Variants in AFAP1L1 observed in about 807,000 individuals in gnomAD.
The protein encoded by AFAP1L1 is actin filament-associated protein 1-like 1.
AFAP1L1 carries 77 observed loss-of-function variants against 99.8 expected under a neutral mutation model. That is an observed-to-expected ratio of 0.77 (90% CI 0.64 to 0.93). The LOEUF is 0.93. AFAP1L1 is among the 40% of genes least tolerant of loss of function. The pLI is 0.00. For synonymous variants in AFAP1L1, 373 were observed against 395.3 expected (o/e 0.94, Z 0.67); for missense variants, 893 against 996.8 (o/e 0.90, Z 1.40).
chr5:149,283,775 AT>A (rs911994606), intron 1 of AFAP1L1, among the ~76,000 whole-genome samples: 3 of 151,484 alleles, frequency 2.0e-5, no homozygotes, highest in African/African-American at 4.8e-5. Context: ...ACCAAGGGGG[AT>A]TTTTTTTTAG....
At chr5:149,328,722 G>A (rs1757163053) in intron 15 of AFAP1L1, among the ~76,000 whole-genome samples, 1 of 152,126 alleles carries the variant, frequency 6.6e-6, no homozygotes, top group Non-Finnish European at 1.5e-5. Flanking sequence ...GCTGAGGCAG[G>A]AGAATCGCTT....
Position 149,299,739 on chromosome 5 carries a change from C to A in AFAP1L1, c.145+102C>A, listed in dbSNP as rs551989270. On this transcript the variant is annotated intron_variant, in intron 2 of 18. Coordinates refer to ENST00000296721, the MANE Select transcript of AFAP1L1 (RefSeq NM_152406.4). Reference sequence around the variant, plus strand: ...ATGCAGGAACCCTCCGCCCCACCCCCACCCCCAGGGGCTGCCGCAGGAGGA... The same window carrying A: ...ATGCAGGAACCCTCCGCCCCACCCCAACCCCCAGGGGCTGCCGCAGGAGGA... 5.2e-4 allele frequency: 787 copies of A among 1,506,232 alleles called. 7 individuals are homozygous for A. In the African/African-American group the frequency reaches 9.8e-3, roughly 19 times the overall value. The allele number at this position is 1,506,232 out of a possible 1,614,324, so 93.3% of individuals were successfully genotyped here. A position where few individuals can be genotyped will look rare whatever the true frequency, so the allele number is the denominator to read the frequency against.
chr5:149,283,907 G>A (rs1366253156), intron 1 of AFAP1L1, among the ~76,000 whole-genome samples: 1 of 152,210 alleles, frequency 6.6e-6, no homozygotes, highest in Non-Finnish European at 1.5e-5. Flanking sequence ...TTCCACAGAG[G>A]AAGCTCAGGG....
intron 1 of AFAP1L1, among the ~76,000 whole-genome samples, chr5:149,273,202 T>A (rs1340036614): frequency 6.7e-6 from 1 of 149,496 alleles, no homozygotes. Flanking sequence ...GTGAGTGCTG[T>A]GCCAACAGGC....
At chr5:149,305,348 GTA>G (rs1224459655) in intron 5 of AFAP1L1, among the ~76,000 whole-genome samples, 1 of 152,224 alleles carries the variant, frequency 6.6e-6, no homozygotes, top group Non-Finnish European at 1.5e-5. Flanking sequence ...GAGCTTCAAA[GTA>G]TGTTCCAGGG....
rs573303164 is a variant in AFAP1L1, at chr5:149,302,419, C to T, written c.329C>T (p.Ala110Val). The change falls in exon 5 of 19, where the codon GCG becomes GTG. Residue 110 changes from alanine (A) to valine (V), a missense_variant and splice_region_variant. Physicochemically the swap from Ala to Val is moderately conservative, Grantham distance 64. Coordinates refer to ENST00000296721, the MANE Select transcript of AFAP1L1 (RefSeq NM_152406.4). ...GCCCTCTTTTTTGTCCCCTTGCAGG[C>T]GGCCGACCTGCCTCCACCGCTCCCC... ...ELAKSPRLRN[A>V]ADLPPPLPNK... The T allele has an allele frequency of 1.0e-5, 16 of 1,576,618 alleles. No homozygotes were observed. The highest frequency in any genetic ancestry group is 1.8e-5 in the Admixed American group (1 of 54,382).
chr5:149,291,747 A>G (rs1055098807), intron 1 of AFAP1L1, among the ~76,000 whole-genome samples: 3 of 152,122 alleles, frequency 2.0e-5, no homozygotes, highest in African/African-American at 7.2e-5. Context: ...AGTTAACTCT[A>G]AAATCATGAT....
chr5:149,316,350 CG>C, intron 11 of AFAP1L1, 47 bp downstream of exon 11: 1 of 1,588,490 alleles, frequency 6.3e-7, no homozygotes, highest in Non-Finnish European at 8.6e-7. Context: ...CCTGTGTGCG[CG>C]GGCTTTGGGG....
At position 149,322,681 on chromosome 5, in the gene AFAP1L1, G is replaced by C; in HGVS notation, c.1774G>C (p.Val592Leu). Residue 592 changes from valine to leucine, a missense_variant, in exon 15 of 19, where the codon GTG (valine) becomes CTG (leucine). Physicochemically the swap from Val to Leu is conservative, Grantham distance 32. Transcript: ENST00000296721. ...CTCCTGCAGTGAGAAGTCCCATCGT[G>C]TGGACCCGCAGGTCAAAGTCAAACG... ...ASSCSEKSHRVDPQVKVKRHA... is the reference protein window; with the variant it reads ...ASSCSEKSHRLDPQVKVKRHA... 1.9e-6 allele frequency: 3 copies of C among 1,593,794 alleles called. No homozygotes were observed. The highest frequency in any genetic ancestry group is 2.6e-6 in the Non-Finnish European group (3 of 1,169,306).
intron 1 of AFAP1L1, among the ~76,000 whole-genome samples, chr5:149,292,572 A>G (rs1459657855): frequency 6.6e-6 from 1 of 152,146 alleles, no homozygotes; most frequent in East Asian, 1.9e-4. Context: ...CTTTTTTGCA[A>G]CCCAGAGAAT....
chr5:149,302,466 T>C lies in AFAP1L1; in HGVS notation c.376T>C (p.Tyr126His). Reference protein sequence around the residue: ...PLPNKPPPEDYYEEALPLGPG... With the variant: ...PLPNKPPPEDHYEEALPLGPG... ...CCCCAACAAGCCTCCCCCTGAGGAC[T>C]ACTATGAAGAGGCCCTTCCTCTGGG... is the stretch of plus-strand genomic sequence containing the variant. The change falls in exon 5 of 19, where the codon TAC (tyrosine) becomes CAC (histidine). Residue 126 changes from tyrosine to histidine, a missense_variant. Transcript: ENST00000296721. The C allele has an allele frequency of 1.3e-6, 2 of 1,597,490 alleles. No individual in the cohort carries two copies. Among genetic ancestry groups the C allele is most frequent in the Non-Finnish European group, 1.7e-6 (2 of 1,172,250 alleles).
intron 16 of AFAP1L1, 40 bp from the exon 17 acceptor site, chr5:149,332,655 G>A (rs1757287699): frequency 6.3e-7 from 1 of 1,587,550 alleles, no homozygotes; most frequent in Non-Finnish European, 8.6e-7. Flanking sequence ...GACATTTCAG[G>A]TCAGGTTCAG....
intron 4 of AFAP1L1, among the ~76,000 whole-genome samples, chr5:149,302,172 A>G (rs539617089): frequency 6.6e-6 from 1 of 152,350 alleles, no homozygotes; most frequent in African/African-American, 2.4e-5. Flanking sequence ...AAGTATGACT[A>G]CTACTGTTTG....
At position 149,316,281 on chromosome 5, in the gene AFAP1L1, C is replaced by T. The variant is rs375987421; in HGVS notation, c.1245C>T (p.Thr415=). 1.7e-5 allele frequency: 27 copies of T among 1,613,996 alleles called. No homozygotes were observed. Among genetic ancestry groups the T allele is most frequent in the African/African-American group, 9.3e-5 (7 of 75,040 alleles). ...TLADDLQTSS[T]EEEVPCCGYL... ...CCGATGACCTGCAGACGTCCTCCACCGAGGAGGAGGTTCCCTGCTGTGGTG... is the reference window on the plus strand; with the variant it reads ...CCGATGACCTGCAGACGTCCTCCACTGAGGAGGAGGTTCCCTGCTGTGGTG... The change falls in exon 11 of 19, where the codon ACC becomes ACT. Residue 415 remains threonine (T), a synonymous_variant. Coordinates refer to ENST00000296721, the MANE Select transcript of AFAP1L1 (RefSeq NM_152406.4).
At chr5:149,332,106 G>T (rs993298895) in intron 16 of AFAP1L1, among the ~76,000 whole-genome samples, 2 of 152,138 alleles carry the variant, frequency 1.3e-5, no homozygotes, top group African/African-American at 4.8e-5. Context: ...AAAGAGAATG[G>T]GGGTAGTGGG....
At chr5:149,296,483 G>T (rs1756021481) in intron 1 of AFAP1L1, among the ~76,000 whole-genome samples, 1 of 152,226 alleles carries the variant, frequency 6.6e-6, no homozygotes. Flanking sequence ...AGTCGTGGCT[G>T]CAGGGCCACA....
chr5:149,290,266 A>G (rs772740995), intron 1 of AFAP1L1, among the ~76,000 whole-genome samples: 36 of 152,226 alleles, frequency 2.4e-4, no homozygotes, highest in Non-Finnish European at 4.0e-4. Context: ...TAATACATGT[A>G]AATCACTTAA....
At chr5:149,274,676 C>G (rs1323882599) in intron 1 of AFAP1L1, among the ~76,000 whole-genome samples, 3 of 152,112 alleles carry the variant, frequency 2.0e-5, no homozygotes, top group Admixed American at 6.5e-5. Context: ...GTCAGGAGTT[C>G]GAGACCAGCC....
At chr5:149,319,261 A>G (rs1273580147) in intron 12 of AFAP1L1, among the ~76,000 whole-genome samples, 3 of 152,144 alleles carry the variant, frequency 2.0e-5, no homozygotes, top group Non-Finnish European at 4.4e-5. Flanking sequence ...AAATTCAGAG[A>G]ACACCCAAAT....
Sources: allele counts gnomAD v4.1 joint callset (sites outside exome capture counted in the v4.1 genomes callset), GRCh38; gene constraint gnomAD v4.1.1; transcripts MANE v1.5; gene names NCBI Gene and HGNC (gene_info 2026-07-23, HGNC 2026-07-21).